RAB6B: variants seen among roughly 807,000 people sequenced by gnomAD.
RAB6B encodes ras-related protein Rab-6B.
A neutral mutation model predicts 31.2 loss-of-function variants in RAB6B; 7 were observed. The ratio of observed to expected loss-of-function variants is 0.22; its 90% confidence interval spans 0.13 to 0.42. RAB6B has a LOEUF of 0.42. Among genes scored for constraint, RAB6B ranks in the 10% least tolerant of loss-of-function variants. The pLI is 1.00. For synonymous variants in RAB6B, 105 were observed against 104.9 expected, an observed-to-expected ratio of 1.00 and a Z score of -0.01; for missense variants, 149 against 280.6, an observed-to-expected ratio of 0.53 and a Z score of 3.35.
intron 2 of RAB6B, among the ~76,000 whole-genome samples, chr3:133,842,344 G>A (rs192756165): frequency 4.9e-4 from 75 of 152,386 alleles, no homozygotes; most frequent in African/African-American, 1.2e-3. Flanking sequence ...AGATGGCCAG[G>A]ACCCACCACT....
Position 133,826,224 on chromosome 3 carries a change from CAAAG to C in RAB6B, c.*2560_*2563del, listed in dbSNP as rs756290005. 1.3e-5 allele frequency: 2 copies of C among 152,186 alleles called. No homozygotes were observed. Among genetic ancestry groups the C allele is most frequent in the Non-Finnish European group, 2.9e-5 (2 of 68,082 alleles). The allele number at this position is 152,186 out of a possible 1,614,324, so 9.4% of individuals were successfully genotyped here. ...CAAGGGGCTGGGGAGAACCCAAACT[CAAAG>C]AGAGGATGTTGTGTGCATGCTAGGA... is the stretch of plus-strand genomic sequence containing the variant. On this transcript the variant is annotated 3_prime_UTR_variant, in exon 8 of 8. Transcript: ENST00000285208.
chr3:133,843,077 A>G (rs547848720), intron 2 of RAB6B, among the ~76,000 whole-genome samples: 4 of 152,252 alleles, frequency 2.6e-5, no homozygotes, highest in Non-Finnish European at 4.4e-5. Flanking sequence ...TCGTTCCACA[A>G]AGGACTGAGA....
chr3:133,824,546 G>A lies in RAB6B; in HGVS notation c.*4242C>T, dbSNP rs571653470. The A allele has an allele frequency of 3.9e-5, 6 of 152,336 alleles. No individual in the cohort carries two copies. In the East Asian group the frequency reaches 1.2e-3, roughly 29 times the overall value. The allele number at this position is 152,336 out of a possible 1,614,324, so 9.4% of individuals were successfully genotyped here. A position where few individuals can be genotyped will look rare whatever the true frequency, so the allele number is the denominator to read the frequency against. On this transcript the variant is annotated 3_prime_UTR_variant, in exon 8 of 8. Transcript: ENST00000285208. ...CTGATGAAACCACACACTGCTGGGA[G>A]TGCCAACCAGACAGGGGTCTGGAGT...
Position 133,826,245 on chromosome 3 carries a change from A to C in RAB6B, c.*2543T>G, listed in dbSNP as rs1033707935. ...AACTCAAAGAGAGGATGTTGTGTGC[A>C]TGCTAGGAAAGGCAGGACTCACTAA... On this transcript the variant is annotated 3_prime_UTR_variant, in exon 8 of 8. Coordinates refer to ENST00000285208, the MANE Select transcript of RAB6B (RefSeq NM_016577.4). 1 of 152,242 alleles carries C rather than the reference A, an allele frequency of 6.6e-6. No homozygotes were observed. The highest frequency in any genetic ancestry group is 2.1e-4 in the South Asian group (1 of 4,824). 9.4% of individuals were successfully genotyped at this position (152,242 alleles called of 1,614,324 possible).
At chr3:133,838,297 A>G (rs1935772076) in intron 5 of RAB6B, 38 bp from the exon 6 acceptor site, 1 of 1,579,546 alleles carries the variant, frequency 6.3e-7, no homozygotes. Context: ...AGCTCAGCAG[A>G]GAAGCAGACC....
chr3:133,841,151 A>C, intron 4 of RAB6B, 134 bp downstream of exon 4: 3 of 782,100 alleles, frequency 3.8e-6, no homozygotes, highest in Non-Finnish European at 6.3e-6. Flanking sequence ...TTCTGCATTC[A>C]GGGAGCAATC....
intron 1 of RAB6B, among the ~76,000 whole-genome samples, chr3:133,890,271 C>T (rs1576412486): frequency 6.6e-6 from 1 of 152,102 alleles, no homozygotes; most frequent in African/African-American, 2.4e-5. Flanking sequence ...CCAAGAACTT[C>T]AGGTTTTTTG....
At chr3:133,845,500 A>G (rs1234633707) in intron 2 of RAB6B, among the ~76,000 whole-genome samples, 3 of 152,016 alleles carry the variant, frequency 2.0e-5, no homozygotes, top group Non-Finnish European at 2.9e-5. Context: ...GAAATCCCAG[A>G]CTCCTGAACT....
intron 2 of RAB6B, 44 bp from the exon 3 acceptor site, chr3:133,841,707 T>C (rs1385392473): frequency 1.9e-6 from 3 of 1,603,596 alleles, no homozygotes; most frequent in Non-Finnish European, 2.6e-6. Context: ...AAAGGTCTCA[T>C]GCAAAGGGGC....
In RAB6B at chr3:133,873,465, A is replaced by C. The variant is rs565246710; in HGVS notation, c.71-8823T>G. 2.0e-5 allele frequency among the ~76,000 whole-genome samples: 3 copies of C among 152,254 alleles called. No homozygotes were observed. The East Asian group carries it at 5.8e-4, about 29-fold the overall frequency. ...ACAAAGAGGCAAATTCCAGAGAAAC[A>C]TGCTGCCAGCACAGCTGGGCTGGGA... is the stretch of plus-strand genomic sequence containing the variant. On this transcript the variant is annotated intron_variant, in intron 1 of 7. Coordinates refer to ENST00000285208, the MANE Select transcript of RAB6B (RefSeq NM_016577.4).
intron 2 of RAB6B, among the ~76,000 whole-genome samples, chr3:133,858,138 G>A (rs1216728458): frequency 1.3e-5 from 2 of 152,106 alleles, no homozygotes; most frequent in African/African-American, 2.4e-5. Flanking sequence ...CCCGCCCTCG[G>A]GCCTTCCACA....
rs1173245432 is a variant in RAB6B at position 133,845,167 on chromosome 3, A to G, written c.130-3504T>C. On this transcript the variant is annotated intron_variant, in intron 2 of 7. Transcript: ENST00000285208. Reference sequence around the variant, plus strand: ...GAGGGTTACACCAGAGGACTCAGAGAAAACCAAAATAAATCTATCGCTGTG... The same window carrying G: ...GAGGGTTACACCAGAGGACTCAGAGGAAACCAAAATAAATCTATCGCTGTG... Among the ~76,000 whole-genome samples, 4 of 152,342 alleles carry G rather than the reference A, an allele frequency of 2.6e-5. No homozygotes were observed. In the East Asian group the frequency reaches 7.7e-4, roughly 29 times the overall value.
chr3:133,858,477 T>C (rs931591845), intron 2 of RAB6B, among the ~76,000 whole-genome samples: 2 of 152,182 alleles, frequency 1.3e-5, no homozygotes, highest in East Asian at 1.9e-4. Context: ...GACTGAGGTG[T>C]AGGCACAATT....
intron 7 of RAB6B, among the ~76,000 whole-genome samples, chr3:133,831,397 G>A (rs1162587787): frequency 1.3e-5 from 2 of 152,194 alleles, no homozygotes; most frequent in African/African-American, 4.8e-5. Flanking sequence ...TTAGCAACAT[G>A]GGCAACTGGG....
intron 3 of RAB6B, 77 bp from the exon 4 acceptor site, chr3:133,841,467 G>A: frequency 2.6e-6 from 4 of 1,559,128 alleles, no homozygotes; most frequent in Middle Eastern, 1.8e-4. Context: ...GGGACTGGGA[G>A]AGCCGGGCTC....
intron 7 of RAB6B, among the ~76,000 whole-genome samples, chr3:133,829,392 A>G (rs1935623197): frequency 6.6e-6 from 1 of 152,190 alleles, no homozygotes; most frequent in Non-Finnish European, 1.5e-5. Context: ...CCCCCTCGCC[A>G]GCCCTTTCCA....
chr3:133,886,660 T>C (rs1414510451), intron 1 of RAB6B, among the ~76,000 whole-genome samples: 3 of 152,190 alleles, frequency 2.0e-5, no homozygotes. Flanking sequence ...TAAAATGGGA[T>C]GAGCAGCTCT....
At chr3:133,895,365 C>T (rs748699730) in intron 1 of RAB6B, 32 bp downstream of exon 1, 8 of 1,603,064 alleles carry the variant, frequency 5.0e-6, no homozygotes, top group Non-Finnish European at 6.8e-6. Flanking sequence ...GTCGACTCGG[C>T]GACAAGCCAA....
rs1339690076 is a variant in RAB6B, at chr3:133,834,763, A to G, written c.496-122T>C. 1.3e-5 allele frequency: 12 copies of G among 908,744 alleles called. 1 individual carries two copies. The Admixed American group carries it at 2.1e-4, about 16-fold the overall frequency. 56.3% of individuals were successfully genotyped at this position (908,744 alleles called of 1,614,324 possible). ...TGCAGCTTTACTCTCCCATCTGCCC[A>G]GCGGACGGTGCCCTCAAAGGCAGGG... On this transcript the variant is annotated intron_variant, in intron 6 of 7. Transcript: ENST00000285208.
Sources: allele counts gnomAD v4.1 joint callset (sites outside exome capture counted in the v4.1 genomes callset), GRCh38; gene constraint gnomAD v4.1.1; transcripts MANE v1.5; gene names NCBI Gene and HGNC (gene_info 2026-07-23, HGNC 2026-07-21).